The following ZNF280D variants were observed in gnomAD, a reference collection of about 807,000 sequenced individuals.
ZNF280D encodes suppressor of hairy wing homolog 4.
A neutral mutation model predicts 94.7 loss-of-function variants in ZNF280D; 39 were observed. The observed-to-expected ratio is 0.41, with a 90% CI of 0.32 to 0.54. The LOEUF is 0.54. Among genes scored for constraint, ZNF280D ranks in the 20% least tolerant of loss-of-function variants. The pLI is 0.22. For missense variants in ZNF280D, 1,090 were observed against 1,149.3 expected (o/e 0.95, Z 0.75); for synonymous variants, 398 against 377.6 (o/e 1.05, Z -0.63).
At chr15:56,658,907 A>G (rs898149630) in intron 16 of ZNF280D, among the ~76,000 whole-genome samples, 2 of 152,160 alleles carry the variant, frequency 1.3e-5, no homozygotes, top group African/African-American at 2.4e-5. Flanking sequence ...ATGTTTGTGT[A>G]GGGGGAGTGG....
At chr15:56,717,244 G>T (rs746549400) in intron 1 of ZNF280D, among the ~76,000 whole-genome samples, 1 of 152,158 alleles carries the variant, frequency 6.6e-6, no homozygotes, top group East Asian at 1.9e-4. Flanking sequence ...AGGGTAAATA[G>T]ATGCTGGGTG....
At chr15:56,732,478 G>A (rs1035976744) in intron 1 of ZNF280D, 2 of 152,208 alleles carry the variant, frequency 1.3e-5, no homozygotes, top group Non-Finnish European at 2.9e-5. Flanking sequence ...ACACCTTACA[G>A]ATGCTAAGAG....
chr15:56,638,031 G>A (rs1488886745), intron 20 of ZNF280D, among the ~76,000 whole-genome samples: 1 of 152,026 alleles, frequency 6.6e-6, no homozygotes, highest in Non-Finnish European at 1.5e-5. Context: ...TTATTTTAAA[G>A]AATGACTGTC....
intron 19 of ZNF280D, chr15:56,653,116 T>C (rs1335790283): frequency 2.5e-4 from 245 of 993,256 alleles, no homozygotes; most frequent in Non-Finnish European, 2.8e-4. Flanking sequence ...AACTGCAATT[T>C]TGGAACTTAA....
At chr15:56,732,616 T>A (rs986677081) in intron 1 of ZNF280D, 2 of 152,022 alleles carry the variant, frequency 1.3e-5, no homozygotes, top group African/African-American at 2.4e-5. Flanking sequence ...TTTTTTTTTT[T>A]AACAAATCTT....
chr15:56,694,307 A>G lies in ZNF280D; in HGVS notation c.382-1092T>C, dbSNP rs928812806. On this transcript the variant is annotated intron_variant, in intron 6 of 21. Transcript: ENST00000267807. ...TATAATGACACATACACACACACACACACACACACACACACACACACACAC... is the reference window on the plus strand; with the variant it reads ...TATAATGACACATACACACACACACGCACACACACACACACACACACACAC... Among the ~76,000 whole-genome samples the G allele has an allele frequency of 6.8e-4, 68 of 99,488 alleles. 1 individual carries two copies. In the South Asian group the frequency reaches 0.022, roughly 32 times the overall value. 65.3% of individuals were successfully genotyped at this position (99,488 alleles called of 152,430 possible). A position where few individuals can be genotyped will look rare whatever the true frequency, so the allele number is the denominator to read the frequency against.
chr15:56,699,571 C>T, intron 6 of ZNF280D: 10 of 813,942 alleles, frequency 1.2e-5, no homozygotes, highest in Non-Finnish European at 1.5e-5. Flanking sequence ...TTGATATGTA[C>T]TTGGAGAGTT....
intron 13 of ZNF280D, among the ~76,000 whole-genome samples, chr15:56,673,153 T>C (rs1328113160): frequency 2.0e-5 from 3 of 152,004 alleles, no homozygotes; most frequent in Non-Finnish European, 4.4e-5. Context: ...AGTTTCATGG[T>C]TTTTAAATAC....
chr15:56,658,924 A>G (rs995194115), intron 16 of ZNF280D, among the ~76,000 whole-genome samples: 17 of 152,196 alleles, frequency 1.1e-4, no homozygotes, highest in Admixed American at 5.9e-4. Flanking sequence ...GTGGGGTAGG[A>G]TCCAAATGAT....
At chr15:56,652,883 T>C (rs1484481770) in intron 19 of ZNF280D, 1 of 983,766 alleles carries the variant, frequency 1.0e-6, no homozygotes, top group Non-Finnish European at 1.2e-6. Flanking sequence ...ACAAAATCTG[T>C]AGAGAATTCT....
At chr15:56,654,861 G>GTA in intron 17 of ZNF280D, 1 of 459,814 alleles carries the variant, frequency 2.2e-6, no homozygotes, top group Non-Finnish European at 4.4e-6. Context: ...TGAACATAGC[G>GTA]TATTCATTCA....
At position 56,699,334 on chromosome 15, in the gene ZNF280D, C is replaced by A. The variant is rs2056924955; in HGVS notation, c.381+1599G>T. 4 of 927,630 alleles carry A rather than the reference C, an allele frequency of 4.3e-6. No individual in the cohort carries two copies. In the African/African-American group the frequency reaches 7.1e-5, roughly 17 times the overall value. 57.5% of individuals were successfully genotyped at this position (927,630 alleles called of 1,614,324 possible). ...AGGAAAGAAGCAAATATAGCTCACA[C>A]CTCTCACTCAATCAAAATCACTAAA... On this transcript the variant is annotated intron_variant, in intron 6 of 21. Coordinates refer to ENST00000267807, the MANE Select transcript of ZNF280D (RefSeq NM_017661.4).
At chr15:56,712,585 C>G (rs1238864642) in intron 1 of ZNF280D, among the ~76,000 whole-genome samples, 1 of 121,908 alleles carries the variant, frequency 8.2e-6, no homozygotes, top group Non-Finnish European at 1.7e-5. Flanking sequence ...CAGTGTGAGA[C>G]CCTCATACCA....
chr15:56,658,304 C>T (rs2053680472), intron 17 of ZNF280D, 120 bp downstream of exon 17: 1 of 709,624 alleles, frequency 1.4e-6, no homozygotes, highest in Non-Finnish European at 2.3e-6. Context: ...TATCCTAAAA[C>T]CTATAAACAC....
At chr15:56,637,240 T>C (rs1314548685) in intron 20 of ZNF280D, among the ~76,000 whole-genome samples, 1 of 151,314 alleles carries the variant, frequency 6.6e-6, no homozygotes, top group African/African-American at 2.4e-5. Context: ...GGCATGATCA[T>C]AGCTCAACTG....
In ZNF280D at chr15:56,721,983, G is replaced by C. The variant is rs146127732; in HGVS notation, c.-86+11475C>G. 6.6e-5 allele frequency among the ~76,000 whole-genome samples: 10 copies of C among 152,272 alleles called. No individual in the cohort carries two copies. In the East Asian group the frequency reaches 1.9e-3, roughly 29 times the overall value. ...TTCTAGTTCTTTTTATTTAAAGTGAGAGATGTGCAAATCTTCCTTATACTT... is the reference window on the plus strand; with the variant it reads ...TTCTAGTTCTTTTTATTTAAAGTGACAGATGTGCAAATCTTCCTTATACTT... On this transcript the variant is annotated intron_variant, in intron 1 of 21. Transcript: ENST00000267807.
chr15:56,644,312 T>A (rs2052774189), intron 19 of ZNF280D, among the ~76,000 whole-genome samples: 1 of 152,044 alleles, frequency 6.6e-6, no homozygotes, highest in Non-Finnish European at 1.5e-5. Context: ...CTTATAAAGA[T>A]GAGATCACAT....
At chr15:56,646,549 A>G (rs541964278) in intron 19 of ZNF280D, among the ~76,000 whole-genome samples, 5 of 152,186 alleles carry the variant, frequency 3.3e-5, no homozygotes, top group South Asian at 2.1e-4. Flanking sequence ...TAAAACATCT[A>G]CTCTACCATT....
At chr15:56,687,202 C>T (rs1434222121) in intron 9 of ZNF280D, among the ~76,000 whole-genome samples, 19 of 152,038 alleles carry the variant, frequency 1.2e-4, no homozygotes, top group Non-Finnish European at 1.5e-5. Context: ...ATATTATCTT[C>T]AACTTAGTTC....
Sources: allele counts gnomAD v4.1 joint callset (sites outside exome capture counted in the v4.1 genomes callset), GRCh38; gene constraint gnomAD v4.1.1; transcripts MANE v1.5; gene names NCBI Gene and HGNC (gene_info 2026-07-23, HGNC 2026-07-21).